MAPKAP1: variants seen among roughly 807,000 people sequenced by gnomAD.
MAPKAP1 encodes MAPK associated protein 1.
In MAPKAP1, 20 loss-of-function variants were observed where a neutral mutation model predicts 65.7. That is an observed-to-expected ratio of 0.30 (90% CI 0.21 to 0.44). The LOEUF is 0.44. Among genes scored for constraint, MAPKAP1 ranks in the 20% least tolerant of loss-of-function variants. MAPKAP1 has a pLI of 1.00. For missense variants in MAPKAP1, 423 were observed against 648.0 expected (o/e 0.65, Z 3.77); for synonymous variants, 222 against 244.3 (o/e 0.91, Z 0.85).
In MAPKAP1 at chr9:125,650,966, G is replaced by A. The variant is rs373041248; in HGVS notation, c.498+6685C>T. Reference sequence around the variant, plus strand: ...AATCTCACAAAGAGATGTCTTTAATGAATTTGATCCTTCTTTTTCAGACAC... The same window carrying A: ...AATCTCACAAAGAGATGTCTTTAATAAATTTGATCCTTCTTTTTCAGACAC... On this transcript the variant is annotated intron_variant, in intron 4 of 11. Transcript: ENST00000265960. Among the ~76,000 whole-genome samples the A allele has an allele frequency of 8.5e-5, 13 of 152,222 alleles. No individual in the cohort carries two copies. In the East Asian group the frequency reaches 1.4e-3, roughly 16 times the overall value.
intron 7 of MAPKAP1, among the ~76,000 whole-genome samples, chr9:125,516,575 T>C (rs1168050923): frequency 6.6e-6 from 1 of 152,230 alleles, no homozygotes; most frequent in Non-Finnish European, 1.5e-5. Context: ...ACAATCTTCA[T>C]CAGCCAAAGG....
intron 4 of MAPKAP1, among the ~76,000 whole-genome samples, chr9:125,656,792 AC>A (rs1588044746): frequency 1.3e-5 from 2 of 152,208 alleles, no homozygotes; most frequent in East Asian, 3.9e-4. Flanking sequence ...ACAAAAATCA[AC>A]CGCTACTGTC....
intron 1 of MAPKAP1, among the ~76,000 whole-genome samples, chr9:125,693,865 A>ACACG (rs1835305815): frequency 1.3e-5 from 2 of 151,562 alleles, no homozygotes; most frequent in South Asian, 4.2e-4. Context: ...ACACACACAC[A>ACACG]CACACACATA....
At chr9:125,614,506 C>T (rs975445256) in intron 4 of MAPKAP1, among the ~76,000 whole-genome samples, 4 of 152,136 alleles carry the variant, frequency 2.6e-5, no homozygotes, top group Admixed American at 1.3e-4. Context: ...CGCCTGTAAT[C>T]CCAGCTACTT....
chr9:125,500,409 G>A lies in MAPKAP1; in HGVS notation c.1066+5901C>T, dbSNP rs1376464087. On this transcript the variant is annotated intron_variant, in intron 8 of 11. Coordinates refer to ENST00000265960, the MANE Select transcript of MAPKAP1 (RefSeq NM_001006617.3). ...GGGGTTTCACCGTGTTAGCCAGGAT[G>A]GTCTCGATCTCCTGACCTCGTGATC... Among the ~76,000 whole-genome samples the A allele has an allele frequency of 6.6e-5, 10 of 151,102 alleles. No individual in the cohort carries two copies. In the East Asian group the frequency reaches 1.8e-3, roughly 27 times the overall value.
In MAPKAP1 at chr9:125,693,698, CGTATATATACACAT is replaced by C. The variant is rs1311825531; in HGVS notation, c.-70+13259_-70+13272del. Among the ~76,000 whole-genome samples, 7 of 92,960 alleles carry C rather than the reference CGTATATATACACAT, an allele frequency of 7.5e-5. No homozygotes were observed. In the South Asian group the frequency reaches 9.2e-4, roughly 12 times the overall value. 61.0% of individuals were successfully genotyped at this position (92,960 alleles called of 152,430 possible). On this transcript the variant is annotated intron_variant, in intron 1 of 11. Transcript: ENST00000265960. ...ACGTATATATACACGTATATATACA[CGTATATATACACAT>C]ATATACACGTATATACACATATATA... is the stretch of plus-strand genomic sequence containing the variant.
In MAPKAP1 at chr9:125,607,844, C is replaced by T. The variant is rs767335513; in HGVS notation, c.499-22117G>A. On this transcript the variant is annotated intron_variant, in intron 4 of 11. Coordinates refer to ENST00000265960, the MANE Select transcript of MAPKAP1 (RefSeq NM_001006617.3). ...CTAATTTTTGTATTTTTAGTAGAGA[C>T]GGGGTTTCACCATGTTGGCCAGGAT... 1.9e-4 allele frequency among the ~76,000 whole-genome samples: 29 copies of T among 152,070 alleles called. 1 individual carries two copies. The highest frequency in any genetic ancestry group is 1.7e-3 in the Admixed American group (26 of 15,272).
chr9:125,493,142 T>G (rs1277471799), intron 8 of MAPKAP1, among the ~76,000 whole-genome samples: 2 of 152,238 alleles, frequency 1.3e-5, no homozygotes, highest in Non-Finnish European at 2.9e-5. Flanking sequence ...GCTCAGCACC[T>G]GGCACACAAT....
intron 10 of MAPKAP1, among the ~76,000 whole-genome samples, chr9:125,446,968 C>A (rs73591518): frequency 6.6e-6 from 1 of 152,254 alleles, no homozygotes; most frequent in Middle Eastern, 3.4e-3. Context: ...AGAAAGGAAG[C>A]GTTGACACTG....
intron 8 of MAPKAP1, 75 bp from the exon 9 acceptor site, chr9:125,484,658 G>A: frequency 6.9e-7 from 1 of 1,445,080 alleles, no homozygotes; most frequent in South Asian, 1.4e-5. Context: ...AAATGCTTTG[G>A]GATAAATTAA....
chr9:125,468,253 T>C, intron 9 of MAPKAP1, 144 bp from the exon 10 acceptor site: 1 of 785,172 alleles, frequency 1.3e-6, no homozygotes, highest in Non-Finnish European at 2.0e-6. Flanking sequence ...TGCCACGGGC[T>C]TCCTGAGACA....
At chr9:125,596,350 G>C (rs1832125111) in intron 4 of MAPKAP1, 1 of 775,194 alleles carries the variant, frequency 1.3e-6, no homozygotes, top group Non-Finnish European at 2.3e-6. Flanking sequence ...GGTGCCTTTG[G>C]TGGCAACCAT....
At chr9:125,672,867 T>C (rs1019715270) in intron 1 of MAPKAP1, among the ~76,000 whole-genome samples, 1 of 152,200 alleles carries the variant, frequency 6.6e-6, no homozygotes, top group African/African-American at 2.4e-5. Context: ...AAAGGAAGGC[T>C]TGCACTCTTG....
chr9:125,671,693 T>A (rs1271496598), intron 2 of MAPKAP1, among the ~76,000 whole-genome samples: 6 of 152,098 alleles, frequency 3.9e-5, no homozygotes, highest in Admixed American at 2.6e-4. Flanking sequence ...AATGACTAAA[T>A]ACGTGTATAC....
intron 1 of MAPKAP1, among the ~76,000 whole-genome samples, chr9:125,705,235 C>T (rs1835721852): frequency 6.6e-6 from 1 of 152,148 alleles, no homozygotes; most frequent in Non-Finnish European, 1.5e-5. Flanking sequence ...ATGGAAAAAG[C>T]ACAGATTTAG....
At chr9:125,464,790 G>A (rs1853619540) in intron 10 of MAPKAP1, among the ~76,000 whole-genome samples, 1 of 152,208 alleles carries the variant, frequency 6.6e-6, no homozygotes. Context: ...CCGCTCAAAT[G>A]CTCAGTCTCT....
At chr9:125,702,139 G>A (rs1052925775) in intron 1 of MAPKAP1, among the ~76,000 whole-genome samples, 19 of 152,166 alleles carry the variant, frequency 1.2e-4, no homozygotes, top group African/African-American at 1.7e-4. Context: ...GCTCACACCT[G>A]TAATCCCAAC....
chr9:125,507,571 A>T (rs1329671203), intron 7 of MAPKAP1, among the ~76,000 whole-genome samples: 1 of 152,168 alleles, frequency 6.6e-6, no homozygotes, highest in Non-Finnish European at 1.5e-5. Flanking sequence ...TTCTATGTTC[A>T]GCTGTAGCAC....
intron 4 of MAPKAP1, among the ~76,000 whole-genome samples, chr9:125,648,245 C>G (rs1833788377): frequency 6.6e-6 from 1 of 152,180 alleles, no homozygotes; most frequent in Non-Finnish European, 1.5e-5. Flanking sequence ...CTCTCTCAGC[C>G]TGTTCCCTCA....
Sources: gnomAD v4.1 joint callset for allele counts (sites outside exome capture counted in the v4.1 genomes callset) on GRCh38, gnomAD v4.1.1 for gene constraint, MANE v1.5 for transcripts, NCBI Gene and HGNC (gene_info 2026-07-23, HGNC 2026-07-21) for gene names.